CNMD: variants seen among roughly 807,000 people sequenced by gnomAD.
The protein encoded by CNMD is leukocyte cell-derived chemotaxin 1.
CNMD carries 30 observed loss-of-function variants against 37.5 expected under a neutral mutation model. The observed-to-expected ratio is 0.80, with a 90% CI of 0.60 to 1.09. The LOEUF (loss-of-function observed/expected upper bound fraction) is 1.09, where lower values mean the gene tolerates loss of function less well. Ranked by LOEUF, CNMD falls within the 50% of genes least tolerant of loss-of-function variation. CNMD has a pLI of 0.00. For synonymous variants in CNMD, 167 were observed against 148.2 expected (o/e 1.13, Z -0.92); for missense variants, 398 against 423.9 (o/e 0.94, Z 0.54).
chr13:52,721,652 C>T (rs894500448), intron 4 of CNMD, among the ~76,000 whole-genome samples: 1 of 152,174 alleles, frequency 6.6e-6, no homozygotes, highest in African/African-American at 2.4e-5. Flanking sequence ...GTGAGATAAG[C>T]CAGGTACCTC....
chr13:52,736,412 A>G (rs1964765439), intron 2 of CNMD, among the ~76,000 whole-genome samples: 1 of 152,054 alleles, frequency 6.6e-6, no homozygotes, highest in African/African-American at 2.4e-5. Context: ...TACAGACGTG[A>G]GCCACCACGC....
chr13:52,735,656 T>C, intron 2 of CNMD, among the ~76,000 whole-genome samples: 1 of 149,020 alleles, frequency 6.7e-6, no homozygotes, highest in East Asian at 2.0e-4. Flanking sequence ...ACACTAACGA[T>C]AGCTGATGAA....
At chr13:52,728,212 C>T (rs779546038) in intron 3 of CNMD, among the ~76,000 whole-genome samples, 1 of 152,028 alleles carries the variant, frequency 6.6e-6, no homozygotes, top group Non-Finnish European at 1.5e-5. Flanking sequence ...ATGGTGAAAC[C>T]CCATCTCTAC....
intron 4 of CNMD, among the ~76,000 whole-genome samples, chr13:52,714,352 A>G (rs994792208): frequency 1.3e-5 from 2 of 152,170 alleles, no homozygotes; most frequent in African/African-American, 4.8e-5. Context: ...CTCTAAGGGT[A>G]GTTTTCTGTT....
At chr13:52,709,365 C>A (rs1964254281) in intron 5 of CNMD, among the ~76,000 whole-genome samples, 1 of 152,100 alleles carries the variant, frequency 6.6e-6, no homozygotes, top group Non-Finnish European at 1.5e-5. Context: ...AAAAAATAAA[C>A]CTGTGTTTGT....
intron 4 of CNMD, among the ~76,000 whole-genome samples, chr13:52,719,783 T>G (rs1358846932): frequency 2.0e-5 from 3 of 152,210 alleles, no homozygotes; most frequent in Non-Finnish European, 2.9e-5. Flanking sequence ...TCAATCTTGG[T>G]GAATCTGACG....
At chr13:52,738,897 TG>T (rs1467569958) in intron 2 of CNMD, 133 bp downstream of exon 2, 49 of 710,984 alleles carry the variant, frequency 6.9e-5, no homozygotes, top group Non-Finnish European at 9.4e-5. Flanking sequence ...CAGAGTGGGA[TG>T]GGAGAGGGGA....
intron 3 of CNMD, among the ~76,000 whole-genome samples, chr13:52,729,901 C>T (rs1414808498): frequency 6.6e-6 from 1 of 151,820 alleles, no homozygotes; most frequent in Non-Finnish European, 1.5e-5. Flanking sequence ...CATATGTATA[C>T]ATGTGCCATG....
chr13:52,733,541 C>A (rs753429677), intron 2 of CNMD, 182 bp from the exon 3 acceptor site: 2 of 697,782 alleles, frequency 2.9e-6, no homozygotes, highest in Non-Finnish European at 5.2e-6. Flanking sequence ...GCAATGATTT[C>A]CTTAAAAATA....
At chr13:52,735,022 C>T (rs566432088) in intron 2 of CNMD, among the ~76,000 whole-genome samples, 2 of 152,298 alleles carry the variant, frequency 1.3e-5, no homozygotes, top group South Asian at 4.1e-4. Context: ...GCCCCTCCTT[C>T]CCTGTCTCTT....
At chr13:52,705,879 G>GGGCTCT (rs1964166190) in intron 6 of CNMD, among the ~76,000 whole-genome samples, 3 of 152,130 alleles carry the variant, frequency 2.0e-5, no homozygotes, top group Non-Finnish European at 4.4e-5. Context: ...GCTCTCTAGG[G>GGGCTCT]AATAAACAGT....
In CNMD at chr13:52,739,246, C is replaced by T; in HGVS notation, c.73-75G>A. 3 of 1,397,462 alleles carry T rather than the reference C, an allele frequency of 2.1e-6. No homozygotes were observed. Among genetic ancestry groups the T allele is most frequent in the Non-Finnish European group, 2.8e-6 (3 of 1,076,876 alleles). The allele number at this position is 1,397,462 out of a possible 1,614,324, so 86.6% of individuals were successfully genotyped here. ...TGCGGCCCCCAGCGCACCCGGGCCC[C>T]ACGCGGTAGCCCCCAGGGAGTGGGG... On this transcript the variant is annotated intron_variant, in intron 1 of 6. Transcript: ENST00000377962. This position sits in a 1 kb window ranked among gnomAD's most constrained non-coding sequence, Gnocchi z 5.4.
At chr13:52,708,984 G>C (rs73490265) in intron 5 of CNMD, among the ~76,000 whole-genome samples, 1 of 152,192 alleles carries the variant, frequency 6.6e-6, no homozygotes, top group South Asian at 2.1e-4. Context: ...CTTTCTTTTG[G>C]TCTGCCTTCA....
intron 3 of CNMD, among the ~76,000 whole-genome samples, chr13:52,725,569 G>C (rs896644790): frequency 1.3e-5 from 2 of 152,154 alleles, no homozygotes; most frequent in African/African-American, 4.8e-5. Flanking sequence ...AGGACATGAG[G>C]GGTAACAGGA....
chr13:52,736,188 G>A (rs1343861329), intron 2 of CNMD, among the ~76,000 whole-genome samples: 2 of 152,170 alleles, frequency 1.3e-5, no homozygotes, highest in East Asian at 1.9e-4. Flanking sequence ...TAGAGACAGG[G>A]TTTCACTGTG....
chr13:52,718,753 T>C (rs1964431972), intron 4 of CNMD, among the ~76,000 whole-genome samples: 1 of 151,066 alleles, frequency 6.6e-6, no homozygotes, highest in Admixed American at 6.6e-5. Context: ...GTGTTTTTCT[T>C]CCAATTTTAG....
intron 2 of CNMD, among the ~76,000 whole-genome samples, chr13:52,734,567 G>T (rs972003409): frequency 6.6e-6 from 1 of 150,488 alleles, no homozygotes; most frequent in African/African-American, 2.4e-5. Flanking sequence ...TAGGAGGTGG[G>T]TTTCTTTTTT....
At chr13:52,707,070 T>A (rs1485453732) in intron 6 of CNMD, among the ~76,000 whole-genome samples, 1 of 152,050 alleles carries the variant, frequency 6.6e-6, no homozygotes, top group African/African-American at 2.4e-5. Flanking sequence ...TTTTTTGTAT[T>A]TTTAGTAGAG....
In CNMD at chr13:52,718,010, C is replaced by T. The variant is rs1362222779; in HGVS notation, c.469-5141G>A. Among the ~76,000 whole-genome samples, 3 of 152,282 alleles carry T rather than the reference C, an allele frequency of 2.0e-5. No homozygotes were observed. The South Asian group carries it at 6.2e-4, about 32-fold the overall frequency. ...GTCGGTAGGCTATTAATTACTGCCT[C>T]AATTTCAGACCTTCTTATTGGTCTA... On this transcript the variant is annotated intron_variant, in intron 4 of 6. Coordinates refer to ENST00000377962, the MANE Select transcript of CNMD (RefSeq NM_007015.3).
Sources: allele counts gnomAD v4.1 joint callset (sites outside exome capture counted in the v4.1 genomes callset), GRCh38; gene constraint gnomAD v4.1.1; non-coding constraint Gnocchi (gnomAD v3.1); transcripts MANE v1.5; gene names NCBI Gene and HGNC (gene_info 2026-07-23, HGNC 2026-07-21).